The following BICD1 variants were observed in gnomAD, a reference collection of about 807,000 sequenced individuals.
The protein encoded by BICD1 is protein bicaudal D homolog 1.
In BICD1, 35 loss-of-function variants were observed where a neutral mutation model predicts 92.5. The observed-to-expected ratio is 0.38, with a 90% CI of 0.29 to 0.50. The LOEUF (loss-of-function observed/expected upper bound fraction) is 0.50. Among genes scored for constraint, BICD1 ranks in the 20% least tolerant of loss-of-function variants. The pLI is 0.93. For missense variants in BICD1, 950 were observed against 1,189.8 expected (o/e 0.80, Z 2.97); for synonymous variants, 429 against 465.1 (o/e 0.92, Z 1.00).
Position 32,204,182 on chromosome 12 carries a change from C to G in BICD1, c.214-12065C>G, listed in dbSNP as rs1457368023. 2.2e-3 allele frequency among the ~76,000 whole-genome samples: 3 copies of G among 1,342 alleles called. No homozygotes were observed. The Admixed American group carries it at 0.062, about 28-fold the overall frequency. 0.9% of individuals were successfully genotyped at this position (1,342 alleles called of 152,430 possible). A position where few individuals can be genotyped will look rare whatever the true frequency, so the allele number is the denominator to read the frequency against. On this transcript the variant is annotated intron_variant, in intron 1 of 9. Transcript: ENST00000652176. The stretch of plus-strand genomic sequence containing the variant: ...TGGGCAACATGGTGAAACCCCATCT[C>G]TACAAAAAAATGCATAAATTAACTG...
intron 2 of BICD1, among the ~76,000 whole-genome samples, chr12:32,285,950 G>A (rs754812490): frequency 1.2e-4 from 18 of 152,188 alleles, no homozygotes; most frequent in South Asian, 2.1e-4. Flanking sequence ...GAATATAATC[G>A]CTGGCAATTC....
In BICD1 at chr12:32,348,530, T is replaced by C. The variant is rs79159555; in HGVS notation, c.2764+9551T>C. Among the ~76,000 whole-genome samples, 1,378 of 151,510 alleles carry C rather than the reference T, an allele frequency of 9.1e-3. 14 individuals carry two copies. Among genetic ancestry groups the C allele is most frequent in the Non-Finnish European group, 0.015 (990 of 67,956 alleles). ...TTTAAGAGCAAGAGTAATTAGTTCA[T>C]ACTTATGTTCACCTAAGTCCACCCA... On this transcript the variant is annotated intron_variant, in intron 8 of 9. Coordinates refer to ENST00000652176, the MANE Select transcript of BICD1 (RefSeq NM_001714.4).
intron 5 of BICD1, chr12:32,332,473 A>C (rs1426998036): frequency 2.0e-6 from 2 of 979,252 alleles, no homozygotes; most frequent in Non-Finnish European, 2.4e-6. Flanking sequence ...CTTCTGATGA[A>C]GTCAGTAAAT....
At position 32,328,307 on chromosome 12, in the gene BICD1, A is replaced by G. The variant is rs757331139; in HGVS notation, c.1852A>G (p.Ile618Val). Residue 618 changes from isoleucine to valine, a missense_variant, in exon 5 of 10, where the codon ATC becomes GTC. Physicochemically the swap from Ile to Val is conservative, Grantham distance 29. Transcript: ENST00000652176. The surrounding 1 kb of genome is among the most constrained non-coding windows in gnomAD (Gnocchi z 4.4). ...ATCTCCAGTATTGGATACAAGTGACATCCGCAAAGAGCCAATGAATATCTA... is the reference window on the plus strand; with the variant it reads ...ATCTCCAGTATTGGATACAAGTGACGTCCGCAAAGAGCCAATGAATATCTA... ...PSSPVLDTSD[I>V]RKEPMNIYNL... 2 of 1,614,114 alleles carry G rather than the reference A, an allele frequency of 1.2e-6. No individual in the cohort carries two copies. The highest frequency in any genetic ancestry group is 1.7e-6 in the Non-Finnish European group (2 of 1,180,044).
chr12:32,268,387 G>A (rs1451712103), intron 2 of BICD1, among the ~76,000 whole-genome samples: 2 of 144,206 alleles, frequency 1.4e-5, no homozygotes, highest in African/African-American at 2.9e-5. Flanking sequence ...TAAAAAATAC[G>A]TCATTGGTCC....
chr12:32,194,080 A>G (rs1400560657), intron 1 of BICD1, among the ~76,000 whole-genome samples: 1 of 152,256 alleles, frequency 6.6e-6, no homozygotes, highest in Non-Finnish European at 1.5e-5. Context: ...TACCACATTA[A>G]CAGGATGAGG....
intron 1 of BICD1, among the ~76,000 whole-genome samples, chr12:32,122,747 C>T (rs1163571402): frequency 2.0e-5 from 3 of 152,138 alleles, no homozygotes; most frequent in African/African-American, 7.2e-5. Context: ...CACAGTAAGT[C>T]TTTTCAGAAA....
chr12:32,119,827 T>G (rs1446712494), intron 1 of BICD1, among the ~76,000 whole-genome samples: 1 of 152,134 alleles, frequency 6.6e-6, no homozygotes, highest in Non-Finnish European at 1.5e-5. Flanking sequence ...GCTGAGATCG[T>G]GACACTTCAC....
intron 2 of BICD1, among the ~76,000 whole-genome samples, chr12:32,252,082 T>TA (rs58415327): frequency 3.9e-5 from 1 of 25,906 alleles, no homozygotes; most frequent in African/African-American, 2.7e-4. Context: ...TAATATATAT[T>TA]TATAAATATA....
chr12:32,209,777 G>C (rs1003986476), intron 1 of BICD1, among the ~76,000 whole-genome samples: 1 of 150,242 alleles, frequency 6.7e-6, no homozygotes, highest in Non-Finnish European at 1.5e-5. Flanking sequence ...CTGCCCAAAG[G>C]TCACCTCTTC....
At chr12:32,153,813 T>C (rs1337199416) in intron 1 of BICD1, among the ~76,000 whole-genome samples, 1 of 150,430 alleles carries the variant, frequency 6.6e-6, no homozygotes, top group Admixed American at 6.7e-5. Flanking sequence ...ATGTAATACA[T>C]ATATATTACA....
intron 2 of BICD1, among the ~76,000 whole-genome samples, chr12:32,280,506 T>C (rs1160185464): frequency 6.6e-6 from 1 of 152,228 alleles, no homozygotes; most frequent in East Asian, 1.9e-4. Flanking sequence ...TGTACAGATC[T>C]ATTTCAGAGT....
At chr12:32,214,457 A>G (rs1009685440) in intron 1 of BICD1, among the ~76,000 whole-genome samples, 17 of 152,244 alleles carry the variant, frequency 1.1e-4, no homozygotes, top group Non-Finnish European at 2.1e-4. Context: ...ATTAAAAACA[A>G]TAAGTTTATC....
At chr12:32,117,731 CACACATATAT>C (rs1164757561) in intron 1 of BICD1, among the ~76,000 whole-genome samples, 4 of 122,548 alleles carry the variant, frequency 3.3e-5, no homozygotes, top group African/African-American at 8.9e-5. Context: ...CACACACACA[CACACATATAT>C]ATATATATAT....
intron 8 of BICD1, among the ~76,000 whole-genome samples, chr12:32,342,627 T>C (rs1247803706): frequency 1.3e-5 from 2 of 152,200 alleles, no homozygotes; most frequent in Non-Finnish European, 2.9e-5. Flanking sequence ...TATTTTTCTA[T>C]TGAGGACCAT....
intron 4 of BICD1, among the ~76,000 whole-genome samples, chr12:32,307,828 A>G (rs1407146859): frequency 6.6e-6 from 1 of 152,262 alleles, no homozygotes; most frequent in Non-Finnish European, 1.5e-5. Context: ...AGATGTATTC[A>G]TAAGAATTTG....
chr12:32,357,782 A>C (rs1050679641), intron 8 of BICD1, among the ~76,000 whole-genome samples: 3 of 152,168 alleles, frequency 2.0e-5, no homozygotes, highest in African/African-American at 7.2e-5. Context: ...AAGGACACCA[A>C]TCAGATTGGA....
chr12:32,130,643 T>C (rs1304966748), intron 1 of BICD1, among the ~76,000 whole-genome samples: 3 of 152,124 alleles, frequency 2.0e-5, no homozygotes, highest in Admixed American at 6.6e-5. Context: ...ACAGAAGCCA[T>C]AGGTGATTGT....
chr12:32,264,755 C>G (rs549197578), intron 2 of BICD1, among the ~76,000 whole-genome samples: 2 of 152,286 alleles, frequency 1.3e-5, no homozygotes, highest in South Asian at 4.1e-4. Flanking sequence ...TCCCAAAATG[C>G]TGGGATTACA....
Sources: gnomAD v4.1 joint callset for allele counts (sites outside exome capture counted in the v4.1 genomes callset) on GRCh38, gnomAD v4.1.1 for gene constraint, Gnocchi (gnomAD v3.1) non-coding constraint, MANE v1.5 for transcripts, NCBI Gene and HGNC (gene_info 2026-07-23, HGNC 2026-07-21) for gene names.